IL1RAPL2: variants seen among roughly 807,000 people sequenced by gnomAD.
The protein encoded by IL1RAPL2 is X-linked interleukin-1 receptor accessory protein-like 2.
Under a neutral mutation model 44.1 loss-of-function variants are expected in IL1RAPL2, and 3 were observed. The observed-to-expected ratio is 0.07, with a 90% CI of 0.03 to 0.18. The LOEUF (loss-of-function observed/expected upper bound fraction) is 0.18. Among genes scored for constraint, IL1RAPL2 ranks in the 10% least tolerant of loss-of-function variants. The pLI, the probability that IL1RAPL2 is intolerant of heterozygous loss-of-function variation, is 1.00. For missense variants in IL1RAPL2, 391 were observed against 496.4 expected (o/e 0.79, Z 2.02); for synonymous variants, 181 against 178.8 (o/e 1.01, Z -0.10).
At chrX:105,262,069 C>G (rs2034364027) in intron 4 of IL1RAPL2, among the ~76,000 whole-genome samples, 1 of 112,053 alleles carries the variant, frequency 8.9e-6, no homozygotes, top group Non-Finnish European at 1.9e-5. Context: ...AGAGTTCATA[C>G]CAGTTGCTGG....
intron 6 of IL1RAPL2, among the ~76,000 whole-genome samples, chrX:105,619,267 C>T (rs1201095379): frequency 1.9e-5 from 2 of 106,410 alleles, no homozygotes; most frequent in Admixed American, 2.0e-4. Context: ...AAAAAAAAAG[C>T]ACTGTTAAAT....
At chrX:105,203,006 C>T (rs1386107779) in intron 3 of IL1RAPL2, among the ~76,000 whole-genome samples, 3 of 111,440 alleles carry the variant, frequency 2.7e-5, no homozygotes, top group Non-Finnish European at 5.7e-5. Flanking sequence ...CTCCACTCCT[C>T]AGATCTCCAA....
intron 5 of IL1RAPL2, among the ~76,000 whole-genome samples, chrX:105,270,379 A>G (rs2034437698): frequency 8.9e-6 from 1 of 111,790 alleles, no homozygotes; most frequent in South Asian, 3.7e-4. Flanking sequence ...GATCATGGTA[A>G]CCAAGGAAAA....
intron 3 of IL1RAPL2, among the ~76,000 whole-genome samples, chrX:105,215,682 C>T (rs2033851730): frequency 9.0e-6 from 1 of 111,401 alleles, no homozygotes; most frequent in Non-Finnish European, 1.9e-5. Context: ...GGCCAATATC[C>T]CCGAAGAACA....
chrX:105,543,669 C>T (rs1366457428), intron 6 of IL1RAPL2, among the ~76,000 whole-genome samples: 1 of 112,074 alleles, frequency 8.9e-6, no homozygotes, highest in East Asian at 2.8e-4. Context: ...TTAACTTTTA[C>T]ACATGTCTAT....
intron 3 of IL1RAPL2, among the ~76,000 whole-genome samples, chrX:105,221,083 G>A (rs2033958075): frequency 8.9e-6 from 1 of 111,801 alleles, no homozygotes; most frequent in Non-Finnish European, 1.9e-5. Context: ...TAGTATACAG[G>A]TTAGTGACCT....
intron 2 of IL1RAPL2, among the ~76,000 whole-genome samples, chrX:104,707,897 G>A (rs1052623842): frequency 4.5e-5 from 5 of 111,578 alleles, no homozygotes; most frequent in African/African-American, 1.6e-4. Flanking sequence ...TCATCCCACA[G>A]TAGTGCAAAT....
At chrX:105,001,368 C>T (rs1372989039) in intron 2 of IL1RAPL2, among the ~76,000 whole-genome samples, 1 of 111,388 alleles carries the variant, frequency 9.0e-6, no homozygotes, top group Admixed American at 9.6e-5. Flanking sequence ...TGAATATCTC[C>T]TCTCTGGTCT....
chrX:105,045,816 G>A (rs1414258051), intron 2 of IL1RAPL2, among the ~76,000 whole-genome samples: 1 of 111,179 alleles, frequency 9.0e-6, no homozygotes, highest in Non-Finnish European at 1.9e-5. Flanking sequence ...TCCTGCCTCA[G>A]CCTCCCAAAG....
chrX:105,260,445 G>GT (rs769570419), intron 4 of IL1RAPL2, among the ~76,000 whole-genome samples: 2 of 112,144 alleles, frequency 1.8e-5, no homozygotes, highest in Admixed American at 9.4e-5. Context: ...TAGAGCAGCT[G>GT]TTTTTTGCTG....
intron 2 of IL1RAPL2, among the ~76,000 whole-genome samples, chrX:104,848,099 G>A (rs1354646866): frequency 9.1e-6 from 1 of 109,631 alleles, no homozygotes; most frequent in African/African-American, 3.3e-5. Context: ...TTGGGCTGAG[G>A]CGATGGGGTT....
chrX:105,465,268 T>C (rs938258188), intron 5 of IL1RAPL2, among the ~76,000 whole-genome samples: 1 of 112,014 alleles, frequency 8.9e-6, no homozygotes, highest in Non-Finnish European at 1.9e-5. Context: ...CTTTTCCATC[T>C]TCGACCTTGA....
chrX:104,621,720 A>G (rs1015265872), intron 1 of IL1RAPL2, among the ~76,000 whole-genome samples: 26 of 111,127 alleles, frequency 2.3e-4, no homozygotes, highest in African/African-American at 8.2e-4. Context: ...CAGGAGACAA[A>G]TTGATAATTT....
chrX:104,808,671 T>C (rs1453063291), intron 2 of IL1RAPL2, among the ~76,000 whole-genome samples: 1 of 111,310 alleles, frequency 9.0e-6, no homozygotes, highest in Non-Finnish European at 1.9e-5. Flanking sequence ...AGGATAGATA[T>C]AAGAAAAAGT....
chrX:104,801,777 T>G (rs1363437407), intron 2 of IL1RAPL2, among the ~76,000 whole-genome samples: 1 of 111,987 alleles, frequency 8.9e-6, no homozygotes, highest in Non-Finnish European at 1.9e-5. Flanking sequence ...CAAGCCTTTC[T>G]TTATAGTTTC....
At chrX:105,597,064 A>G (rs537757244) in intron 6 of IL1RAPL2, among the ~76,000 whole-genome samples, 1 of 112,030 alleles carries the variant, frequency 8.9e-6, no homozygotes, top group Non-Finnish European at 1.9e-5. Flanking sequence ...TTTGTGAATT[A>G]TATATCTGAT....
chrX:104,636,052 C>T (rs937747705), intron 1 of IL1RAPL2, among the ~76,000 whole-genome samples: 9 of 112,018 alleles, frequency 8.0e-5, no homozygotes, highest in African/African-American at 2.3e-4. Flanking sequence ...TGTTAGTTTT[C>T]CTTCTAACAG....
chrX:105,244,528 T>A (rs1322371461), intron 4 of IL1RAPL2, among the ~76,000 whole-genome samples: 1 of 111,246 alleles, frequency 9.0e-6, no homozygotes, highest in African/African-American at 3.3e-5. Context: ...GATCAGAAAT[T>A]TGCTCAAAGA....
At chrX:104,821,601 T>G (rs1292686835) in intron 2 of IL1RAPL2, among the ~76,000 whole-genome samples, 1 of 112,371 alleles carries the variant, frequency 8.9e-6, no homozygotes, top group Non-Finnish European at 1.9e-5. Context: ...GTGAATAGTA[T>G]TCCATGGTGT....
Sources: allele counts gnomAD v4.1 joint callset (sites outside exome capture counted in the v4.1 genomes callset), GRCh38; gene constraint gnomAD v4.1.1; transcripts MANE v1.5; gene names NCBI Gene and HGNC (gene_info 2026-07-23, HGNC 2026-07-21).